Variants in GRM7 observed in about 807,000 individuals in gnomAD.
GRM7 encodes metabotropic glutamate receptor 7.
Under a neutral mutation model 84.5 loss-of-function variants are expected in GRM7, and 35 were observed. The observed-to-expected ratio is 0.41, with a 90% CI of 0.32 to 0.55. GRM7 has a LOEUF of 0.55. GRM7 is among the 20% of genes least tolerant of loss of function. The pLI is 0.19. For synonymous variants in GRM7, 487 were observed against 455.1 expected, an observed-to-expected ratio of 1.07 and a Z score of -0.89; for missense variants, 1,003 against 1,194.6, an observed-to-expected ratio of 0.84 and a Z score of 2.36.
chr3:7,079,759 G>C (rs1322833201), intron 1 of GRM7, among the ~76,000 whole-genome samples: 1 of 152,052 alleles, frequency 6.6e-6, no homozygotes, highest in East Asian at 1.9e-4. Context: ...TAGAGGCCCT[G>C]GATCATAATT....
intron 4 of GRM7, among the ~76,000 whole-genome samples, chr3:7,410,596 T>C (rs372347525): frequency 3.3e-4 from 23 of 68,788 alleles, no homozygotes; most frequent in East Asian, 2.7e-3. Context: ...TATATATATA[T>C]ATACACACAC....
chr3:7,339,377 C>T (rs1701549529), intron 4 of GRM7, among the ~76,000 whole-genome samples: 1 of 152,102 alleles, frequency 6.6e-6, no homozygotes, highest in Non-Finnish European at 1.5e-5. Context: ...CACCCTGTTG[C>T]CAAGTACAGC....
chr3:7,461,191 C>T (rs986515117), intron 6 of GRM7, among the ~76,000 whole-genome samples: 26 of 151,898 alleles, frequency 1.7e-4, no homozygotes, highest in African/African-American at 3.9e-4. Context: ...TCTTTACTGA[C>T]GAAAATTTAG....
chr3:7,649,777 C>A (rs534613241), intron 8 of GRM7, among the ~76,000 whole-genome samples: 1 of 151,734 alleles, frequency 6.6e-6, no homozygotes, highest in South Asian at 2.1e-4. Context: ...TATAACATGG[C>A]CTATATAATT....
chr3:7,403,537 CAAG>C (rs1695541068), intron 4 of GRM7, among the ~76,000 whole-genome samples: 1 of 148,158 alleles, frequency 6.7e-6, no homozygotes, highest in Non-Finnish European at 1.5e-5. Context: ...AGAATGGCAA[CAAG>C]ATTCGGTCAA....
At position 7,260,084 on chromosome 3, in the gene GRM7, G is replaced by A. The variant is rs1334557448; in HGVS notation, c.737-38600G>A. On this transcript the variant is annotated intron_variant, in intron 2 of 9. Coordinates refer to ENST00000357716, the MANE Select transcript of GRM7 (RefSeq NM_000844.4). The stretch of plus-strand genomic sequence containing the variant: ...TCTTTCATGTGCTTTTTGGCCACAT[G>A]TATGTCTTCTTTTGAAAAGTGTCTG... 2.0e-5 allele frequency among the ~76,000 whole-genome samples: 3 copies of A among 150,554 alleles called. No homozygotes were observed. The East Asian group carries it at 5.9e-4, about 30-fold the overall frequency.
At chr3:7,333,363 G>A (rs1447384248) in intron 4 of GRM7, among the ~76,000 whole-genome samples, 1 of 152,160 alleles carries the variant, frequency 6.6e-6, no homozygotes, top group African/African-American at 2.4e-5. Context: ...CCCCACTGTA[G>A]GGCTAGCCCC....
intron 7 of GRM7, among the ~76,000 whole-genome samples, chr3:7,560,852 T>A (rs1693991117): frequency 6.6e-6 from 1 of 152,162 alleles, no homozygotes; most frequent in Non-Finnish European, 1.5e-5. Context: ...TTATAATACA[T>A]TTTATTAATT....
chr3:7,648,324 T>G (rs1309660165), intron 8 of GRM7, among the ~76,000 whole-genome samples: 1 of 151,544 alleles, frequency 6.6e-6, no homozygotes, highest in East Asian at 1.9e-4. Flanking sequence ...ATATTGATAA[T>G]TGAAGCAAGA....
chr3:7,433,315 A>C (rs78575767), intron 5 of GRM7, among the ~76,000 whole-genome samples: 12 of 152,360 alleles, frequency 7.9e-5, no homozygotes, highest in Admixed American at 5.2e-4. Flanking sequence ...GCACGTGTTT[A>C]CACTTCCATT....
intron 8 of GRM7, among the ~76,000 whole-genome samples, chr3:7,596,782 T>A (rs534279462): frequency 3.0e-4 from 46 of 152,190 alleles, no homozygotes; most frequent in Admixed American, 1.1e-3. Flanking sequence ...TCTGTGAGCA[T>A]AATAAAGGCT....
intron 4 of GRM7, among the ~76,000 whole-genome samples, chr3:7,347,194 T>C (rs1692931699): frequency 6.6e-6 from 1 of 152,078 alleles, no homozygotes; most frequent in Non-Finnish European, 1.5e-5. Flanking sequence ...GAAAGATGGC[T>C]CCGAAATTTA....
At chr3:7,404,414 G>A (rs1310488195) in intron 4 of GRM7, among the ~76,000 whole-genome samples, 1 of 152,198 alleles carries the variant, frequency 6.6e-6, no homozygotes, top group Non-Finnish European at 1.5e-5. Flanking sequence ...TAGGCTGACA[G>A]CCTTTCTGAG....
intron 4 of GRM7, among the ~76,000 whole-genome samples, chr3:7,342,062 C>G (rs1044640838): frequency 6.6e-6 from 1 of 152,134 alleles, no homozygotes; most frequent in Non-Finnish European, 1.5e-5. Flanking sequence ...ACAGACACAG[C>G]ATTCCATTCA....
chr3:6,979,509 A>G (rs554121942), intron 1 of GRM7, among the ~76,000 whole-genome samples: 1 of 152,222 alleles, frequency 6.6e-6, no homozygotes, highest in Non-Finnish European at 1.5e-5. Context: ...TTTATCTGTG[A>G]GGATCTCAGT....
chr3:7,329,868 G>A (rs1158144249), intron 4 of GRM7, among the ~76,000 whole-genome samples: 1 of 152,026 alleles, frequency 6.6e-6, no homozygotes, highest in Non-Finnish European at 1.5e-5. Flanking sequence ...ACTTATTTGA[G>A]TAAACAGTGT....
intron 2 of GRM7, among the ~76,000 whole-genome samples, chr3:7,289,325 G>C (rs369288104): frequency 6.6e-6 from 1 of 152,166 alleles, no homozygotes; most frequent in East Asian, 1.9e-4. Context: ...TGAAAAGAAC[G>C]TGATGTTTCT....
intron 7 of GRM7, among the ~76,000 whole-genome samples, chr3:7,513,677 A>T (rs1262838553): frequency 6.6e-6 from 1 of 152,338 alleles, no homozygotes; most frequent in East Asian, 1.9e-4. Flanking sequence ...TAATTTGATC[A>T]TTACACATTG....
chr3:7,273,118 AGT>A, intron 2 of GRM7, among the ~76,000 whole-genome samples: 1 of 152,122 alleles, frequency 6.6e-6, no homozygotes, highest in East Asian at 1.9e-4. Context: ...GTTATTTGGA[AGT>A]GTGTTATATG....
Sources: gnomAD v4.1 joint callset for allele counts (sites outside exome capture counted in the v4.1 genomes callset) on GRCh38, gnomAD v4.1.1 for gene constraint, MANE v1.5 for transcripts, NCBI Gene and HGNC (gene_info 2026-07-23, HGNC 2026-07-21) for gene names.